MYO16: variants seen among roughly 807,000 people sequenced by gnomAD.
MYO16 encodes myosin XVI.
Under a neutral mutation model 205.3 loss-of-function variants are expected in MYO16, and 94 were observed. The ratio of observed to expected loss-of-function variants is 0.46; its 90% CI spans 0.39 to 0.54. The LOEUF (loss-of-function observed/expected upper bound fraction) is 0.54, where lower values mean the gene tolerates loss of function less well. MYO16 is among the 20% of genes least tolerant of loss of function. MYO16 has a pLI of 0.00. For synonymous variants in MYO16, 988 were observed against 954.0 expected (o/e 1.04, Z -0.66); for missense variants, 2,315 against 2,387.5 (o/e 0.97, Z 0.63).
At chr13:109,102,138 A>G (rs1888987608) in intron 28 of MYO16, among the ~76,000 whole-genome samples, 1 of 152,044 alleles carries the variant, frequency 6.6e-6, no homozygotes, top group Non-Finnish European at 1.5e-5. Context: ...TTTAAATAAC[A>G]ATCTGAAGGA....
At chr13:108,589,336 A>G in the MYO16 span, among the ~76,000 whole-genome samples, 1 of 152,136 alleles carries the variant, frequency 6.6e-6, no homozygotes, top group African/African-American at 2.4e-5. Context: ...TCATATTACA[A>G]TTTAACTTCT....
chr13:108,944,214 AT>A (rs1882848494), intron 16 of MYO16, among the ~76,000 whole-genome samples: 1 of 151,774 alleles, frequency 6.6e-6, no homozygotes, highest in Admixed American at 6.5e-5. Context: ...TAAAAAAAAA[AT>A]AATATTAGGT....
At chr13:108,524,022 G>A in the MYO16 span, among the ~76,000 whole-genome samples, 2 of 151,912 alleles carry the variant, frequency 1.3e-5, no homozygotes, top group Admixed American at 6.6e-5. Flanking sequence ...GGCACTGGCC[G>A]GGTGCGGAGG....
intron 4 of MYO16, among the ~76,000 whole-genome samples, chr13:108,738,770 CTAAGTCTCTTTA>C (rs1884794494): frequency 1.3e-5 from 2 of 152,164 alleles, no homozygotes; most frequent in Admixed American, 1.3e-4. Flanking sequence ...GTGTGCAAGT[CTAAGTCTCTTTA>C]TAAGTCTCTA....
intron 4 of MYO16, among the ~76,000 whole-genome samples, chr13:108,763,009 T>A (rs1006002499): frequency 6.6e-6 from 1 of 152,230 alleles, no homozygotes; most frequent in Non-Finnish European, 1.5e-5. Flanking sequence ...TAAGAAAGTC[T>A]CTAATCTTTC....
chr13:108,927,126 G>A lies in MYO16; in HGVS notation c.1925+16976G>A, dbSNP rs541072800. Among the ~76,000 whole-genome samples, 136 of 152,140 alleles carry A rather than the reference G, an allele frequency of 8.9e-4. 1 individual carries two copies. Among genetic ancestry groups the A allele is most frequent in the Non-Finnish European group, 7.1e-4 (48 of 68,022 alleles). On this transcript the variant is annotated intron_variant, in intron 16 of 34. Coordinates refer to ENST00000457511, the MANE Select transcript of MYO16 (RefSeq NM_001198950.3). ...ATCTGTCAACAACTGAAGAGAGAGA[G>A]AGAGAGAGAGAGACTGTCCCAGATG...
At chr13:108,603,795 A>C (rs1358111571) in intron 1 of MYO16, among the ~76,000 whole-genome samples, 2 of 152,190 alleles carry the variant, frequency 1.3e-5, no homozygotes, top group African/African-American at 4.8e-5. Flanking sequence ...TCTCTCAGTC[A>C]AGCTTTAATA....
At chr13:108,501,480 C>G in the MYO16 span, among the ~76,000 whole-genome samples, 2 of 152,216 alleles carry the variant, frequency 1.3e-5, no homozygotes, top group African/African-American at 4.8e-5. Flanking sequence ...GAAAAGAAAA[C>G]TCAGAGAGAC....
At chr13:108,753,383 A>AAAAAAAAAAAAAAAAAAAAAAAAC (rs1885314493) in intron 4 of MYO16, among the ~76,000 whole-genome samples, 2 of 147,702 alleles carry the variant, frequency 1.4e-5, no homozygotes, top group African/African-American at 5.3e-5. Context: ...AAAAAAAAAA[A>AAAAAAAAAAAAAAAAAAAAAAAAC]AAAAAAAAAA....
At chr13:108,783,263 A>G (rs1249912828) in intron 4 of MYO16, among the ~76,000 whole-genome samples, 1 of 152,184 alleles carries the variant, frequency 6.6e-6, no homozygotes. Context: ...GTAAAAGGAG[A>G]TCATTTTGGA....
chr13:108,742,370 G>C (rs1389782708), intron 4 of MYO16, among the ~76,000 whole-genome samples: 1 of 151,772 alleles, frequency 6.6e-6, no homozygotes, highest in South Asian at 2.1e-4. Context: ...AAATGTTTTG[G>C]CTCCCCCAAA....
chr13:108,924,386 A>G (rs1429421067), intron 16 of MYO16, among the ~76,000 whole-genome samples: 8 of 152,194 alleles, frequency 5.3e-5, no homozygotes, highest in Non-Finnish European at 1.0e-4. Flanking sequence ...CCAACTCTAC[A>G]GAGTATCTTC....
chr13:108,549,310 C>T, the MYO16 span, among the ~76,000 whole-genome samples: 3 of 152,200 alleles, frequency 2.0e-5, no homozygotes, highest in East Asian at 5.8e-4. Context: ...GAAAAAGGGG[C>T]TACAAGCCAA....
intron 16 of MYO16, among the ~76,000 whole-genome samples, chr13:108,931,313 G>A (rs1032039130): frequency 1.3e-5 from 2 of 152,114 alleles, no homozygotes; most frequent in East Asian, 3.9e-4. Context: ...CCCTCCAATA[G>A]CAATGCACTC....
chr13:108,900,970 G>A (rs894212045), intron 15 of MYO16, among the ~76,000 whole-genome samples: 3 of 152,150 alleles, frequency 2.0e-5, no homozygotes, highest in Admixed American at 2.0e-4. Context: ...TGGCCGCTTT[G>A]GGGATGGCTG....
At chr13:108,747,489 T>C (rs73608675) in intron 4 of MYO16, among the ~76,000 whole-genome samples, 2,596 of 152,230 alleles carry the variant, frequency 0.017, 66 homozygotes, top group African/African-American at 0.06. Flanking sequence ...GTTAAAAATG[T>C]ATATTGGAAA....
chr13:108,940,204 A>G (rs998427606), intron 16 of MYO16, among the ~76,000 whole-genome samples: 14 of 152,180 alleles, frequency 9.2e-5, no homozygotes, highest in African/African-American at 3.1e-4. Context: ...AGTTAAGGGG[A>G]CAAGATTCAG....
At chr13:108,701,799 G>T (rs1883317768) in intron 2 of MYO16, among the ~76,000 whole-genome samples, 1 of 152,016 alleles carries the variant, frequency 6.6e-6, no homozygotes, top group Non-Finnish European at 1.5e-5. Flanking sequence ...AATAACTAAA[G>T]AAAATTATGT....
At chr13:108,798,264 C>T (rs150275294) in intron 6 of MYO16, among the ~76,000 whole-genome samples, 16 of 152,132 alleles carry the variant, frequency 1.1e-4, no homozygotes, top group Admixed American at 5.2e-4. Flanking sequence ...TCCATACCTG[C>T]GATGGAATGC....
Sources: allele counts gnomAD v4.1 joint callset (sites outside exome capture counted in the v4.1 genomes callset), GRCh38; gene constraint gnomAD v4.1.1; transcripts MANE v1.5; gene names NCBI Gene and HGNC (gene_info 2026-07-23, HGNC 2026-07-21).